The following ANKRD30A variants were observed in gnomAD, a reference collection of about 807,000 sequenced individuals.
The protein encoded by ANKRD30A is ankyrin repeat domain-containing protein 30A.
A neutral mutation model predicts 166.3 loss-of-function variants in ANKRD30A; 170 were observed. The observed-to-expected ratio is 1.02, with a 90% CI of 0.90 to 1.16. The LOEUF (loss-of-function observed/expected upper bound fraction) is 1.16. ANKRD30A is among the 50% of genes most tolerant of loss of function. ANKRD30A has a pLI of 0.00. For missense variants in ANKRD30A, 1,630 were observed against 1,518.0 expected (o/e 1.07, Z -1.23); for synonymous variants, 564 against 508.9 (o/e 1.11, Z -1.46).
chr10:37,193,192 T>G lies in ANKRD30A; in HGVS notation c.2548T>G (p.Cys850Gly). The G allele has an allele frequency of 6.2e-7, 1 of 1,612,034 alleles. No homozygotes were observed. The highest frequency in any genetic ancestry group is 8.5e-7 in the Non-Finnish European group (1 of 1,179,336). ...TGTTTCTAAACCCATTTAGGCTCCC[T>G]GCAGAATGAAAGTTTCTATTCCAAC... ...PDNDGFLKAP[C>G]RMKVSIPTKA... Residue 850 changes from cysteine (C) to glycine (G), a missense_variant, in exon 27 of 36, where the codon TGC (cysteine) becomes GGC (glycine). Transcript: ENST00000361713.
chr10:37,149,252 C>T (rs576826529), intron 9 of ANKRD30A, among the ~76,000 whole-genome samples: 1 of 152,148 alleles, frequency 6.6e-6, no homozygotes, highest in Admixed American at 6.5e-5. Flanking sequence ...TTCAGCTGAA[C>T]TCTCATCATA....
At chr10:37,146,115 TG>T (rs1837491649) in intron 8 of ANKRD30A, among the ~76,000 whole-genome samples, 1 of 148,928 alleles carries the variant, frequency 6.7e-6, no homozygotes, top group Non-Finnish European at 1.5e-5. Flanking sequence ...GTAACAGAAA[TG>T]AGATGACAAC....
rs1838132790 is a variant in ANKRD30A, at chr10:37,153,650, G to C, written c.1786G>C (p.Gly596Arg). The C allele has an allele frequency of 6.2e-7, 1 of 1,611,190 alleles. No individual in the cohort carries two copies. The highest frequency in any genetic ancestry group is 1.7e-5 in the Admixed American group (1 of 59,954). The change falls in exon 13 of 36, where the codon GGA (glycine) becomes CGA (arginine). Residue 596 changes from glycine to arginine, a missense_variant. This residue lies in a region of ANKRD30A where 904 missense variants were observed against 818.5 expected (regional missense o/e 1.10). Coordinates refer to ENST00000361713, the MANE Select transcript of ANKRD30A (RefSeq NM_052997.3). ...TCAAAAAGAAATAGATAAAATAAAT[G>C]GAAAATTAGAAGGTAAGAACCGTTT... is the stretch of plus-strand genomic sequence containing the variant. The part of the protein sequence containing the change: ...THQKEIDKIN[G>R]KLEESPNKDG...
chr10:37,265,578 T>A, the ANKRD30A span, among the ~76,000 whole-genome samples: 1 of 152,192 alleles, frequency 6.6e-6, no homozygotes, highest in African/African-American at 2.4e-5. Context: ...AAATGCCCAC[T>A]GCCCAGGCCT....
At chr10:37,153,437 G>A in intron 12 of ANKRD30A, 135 bp from the exon 13 acceptor site, 1 of 1,313,420 alleles carries the variant, frequency 7.6e-7, no homozygotes, top group Non-Finnish European at 1.0e-6. Flanking sequence ...TTTTCTATAT[G>A]TATCTGCACT....
In ANKRD30A at chr10:37,126,008, G is replaced by A. The variant is rs1250669163; in HGVS notation, c.221G>A (p.Arg74Lys). The change falls in exon 1 of 36, where the codon AGG becomes AAG. Residue 74 changes from arginine (R) to lysine (K), a missense_variant and splice_region_variant. Physicochemically the swap from Arg to Lys is conservative, Grantham distance 26. Transcript: ENST00000361713. ...INLNIQDAQK[R>K]TALHWACVNG... is the part of the protein sequence containing the mutation. Reference sequence around the variant, plus strand: ...CTTAATATACAAGACGCCCAGAAGAGGTACCAGGCCCTGCCTGAGCCGGGG... The same window carrying A: ...CTTAATATACAAGACGCCCAGAAGAAGTACCAGGCCCTGCCTGAGCCGGGG... 1 of 1,612,160 alleles carries A rather than the reference G, an allele frequency of 6.2e-7. No individual in the cohort carries two copies. The highest frequency in any genetic ancestry group is 2.2e-5 in the East Asian group (1 of 44,860).
chr10:37,221,058 T>C (rs1842875263), intron 34 of ANKRD30A, among the ~76,000 whole-genome samples: 1 of 150,164 alleles, frequency 6.7e-6, no homozygotes. Context: ...TTTTTTTTTT[T>C]TTTTGAGACT....
intron 13 of ANKRD30A, among the ~76,000 whole-genome samples, chr10:37,157,696 G>A (rs1838492857): frequency 6.6e-6 from 1 of 152,048 alleles, no homozygotes; most frequent in Non-Finnish European, 1.5e-5. Context: ...TGATGGGTAC[G>A]CTTGGACCTT....
intron 13 of ANKRD30A, among the ~76,000 whole-genome samples, chr10:37,155,588 C>T (rs1409067342): frequency 1.3e-5 from 2 of 152,116 alleles, no homozygotes; most frequent in Non-Finnish European, 2.9e-5. Context: ...TAGCATTCTA[C>T]GTTCAGCTTT....
the ANKRD30A span, among the ~76,000 whole-genome samples, chr10:37,242,505 A>T: frequency 6.6e-6 from 1 of 152,180 alleles, no homozygotes; most frequent in African/African-American, 2.4e-5. Context: ...TTATTCATTT[A>T]CTTGTATCAG....
In ANKRD30A at chr10:37,130,639, G is replaced by GT. The variant is rs965646424; in HGVS notation, c.510+270dup. Among the ~76,000 whole-genome samples the GT allele has an allele frequency of 3.3e-3, 501 of 151,514 alleles. 4 individuals are homozygous for GT. The highest frequency in any genetic ancestry group is 0.011 in the African/African-American group (450 of 41,330). Reference sequence around the variant, plus strand: ...TCTTCAAATATTCTTTCCCATCCAAGTTTTTTTTTCTTTCCAATTAGTGTA... The same window carrying GT: ...TCTTCAAATATTCTTTCCCATCCAAGTTTTTTTTTTCTTTCCAATTAGTGTA... On this transcript the variant is annotated intron_variant, in intron 3 of 35. Coordinates refer to ENST00000361713, the MANE Select transcript of ANKRD30A (RefSeq NM_052997.3).
At chr10:37,215,739 A>G (rs946819404) in intron 31 of ANKRD30A, among the ~76,000 whole-genome samples, 2 of 151,560 alleles carry the variant, frequency 1.3e-5, no homozygotes, top group African/African-American at 4.8e-5. Context: ...AAGAAAAATC[A>G]ATACCCATTG....
the ANKRD30A span, among the ~76,000 whole-genome samples, chr10:37,251,585 A>ATCT: frequency 6.6e-6 from 1 of 152,112 alleles, no homozygotes; most frequent in Non-Finnish European, 1.5e-5. Context: ...TCTTCCTTTG[A>ATCT]TACTGTGTGG....
chr10:37,261,583 G>C, the ANKRD30A span, among the ~76,000 whole-genome samples: 1 of 152,118 alleles, frequency 6.6e-6, no homozygotes. Context: ...TGGATAAATA[G>C]AAATTTTAAT....
chr10:37,220,554 T>C (rs1842853780), intron 34 of ANKRD30A, among the ~76,000 whole-genome samples: 1 of 151,298 alleles, frequency 6.6e-6, no homozygotes, highest in South Asian at 2.1e-4. Flanking sequence ...ATCTGTGTTT[T>C]ATTAAATAAT....
the ANKRD30A span, among the ~76,000 whole-genome samples, chr10:37,261,253 G>A: frequency 1.3e-5 from 2 of 152,190 alleles, no homozygotes; most frequent in South Asian, 4.1e-4. Flanking sequence ...AACAAGACAA[G>A]ACAGGAAAAC....
intron 5 of ANKRD30A, among the ~76,000 whole-genome samples, chr10:37,134,934 G>T (rs1162169492): frequency 6.6e-6 from 1 of 152,180 alleles, no homozygotes; most frequent in Non-Finnish European, 1.5e-5. Context: ...TTTATATCCT[G>T]TGTAGTGCCA....
the ANKRD30A span, among the ~76,000 whole-genome samples, chr10:37,251,384 C>T: frequency 1.3e-5 from 2 of 152,088 alleles, no homozygotes; most frequent in African/African-American, 2.4e-5. Flanking sequence ...AAACATGGCA[C>T]CAATTCGAAA....
In ANKRD30A at chr10:37,162,641, C is replaced by G. The variant is rs1224338401; in HGVS notation, c.1901-8C>G. On this transcript the variant is annotated splice_region_variant and splice_polypyrimidine_tract_variant and intron_variant, in intron 15 of 35. Transcript: ENST00000361713. Reference sequence around the variant, plus strand: ...TATGATTGATGATAAATCTCTTTTGCTTTTTAGAGCCTCCGGGGAAGCCAT... The same window carrying G: ...TATGATTGATGATAAATCTCTTTTGGTTTTTAGAGCCTCCGGGGAAGCCAT... The G allele has an allele frequency of 6.2e-7, 1 of 1,611,958 alleles. No individual in the cohort carries two copies. The highest frequency in any genetic ancestry group is 1.7e-5 in the Admixed American group (1 of 59,992).
Sources: allele counts gnomAD v4.1 joint callset (sites outside exome capture counted in the v4.1 genomes callset), GRCh38; gene constraint gnomAD v4.1.1; regional missense constraint gnomAD v4.1.1; transcripts MANE v1.5; gene names NCBI Gene and HGNC (gene_info 2026-07-23, HGNC 2026-07-21).